The following AP3B1 variants were observed in gnomAD, a reference collection of about 807,000 sequenced individuals.
AP3B1 encodes the protein AP-3 complex subunit beta-1.
In AP3B1, 61 loss-of-function variants were observed where a neutral mutation model predicts 132.5. The ratio of observed to expected loss-of-function variants is 0.46; its 90% CI spans 0.37 to 0.57. The LOEUF is 0.57. Ranked by LOEUF, AP3B1 falls within the 20% of genes least tolerant of loss-of-function variation. AP3B1 has a pLI of 0.00. For missense variants in AP3B1, 1,120 were observed against 1,289.4 expected, an observed-to-expected ratio of 0.87 and a Z score of 2.01; for synonymous variants, 388 against 438.3, an observed-to-expected ratio of 0.89 and a Z score of 1.43.
chr5:78,095,564 TTTGGGGTTAATGAAAACCCTGAA>T (rs1750735561), intron 21 of AP3B1, among the ~76,000 whole-genome samples: 1 of 152,196 alleles, frequency 6.6e-6, no homozygotes, highest in Non-Finnish European at 1.5e-5. Flanking sequence ...AGTTTTTTAA[TTTGGGGTTAATGAAAACCCTGAA>T]GAGGGGTTTT....
At chr5:78,233,310 C>T (rs550678515) in intron 3 of AP3B1, among the ~76,000 whole-genome samples, 12 of 150,914 alleles carry the variant, frequency 8.0e-5, no homozygotes, top group Non-Finnish European at 1.0e-4. Context: ...CTCAGCTCAC[C>T]GCAACCTCCG....
At chr5:78,275,758 C>A (rs1748746670) in intron 1 of AP3B1, among the ~76,000 whole-genome samples, 1 of 152,152 alleles carries the variant, frequency 6.6e-6, no homozygotes, top group African/African-American at 2.4e-5. Flanking sequence ...AGGCATGAGC[C>A]ACTGCCCCCG....
downstream of AP3B1, chr5:78,001,709 C>T (rs530178817): frequency 1.1e-4 from 16 of 152,286 alleles, no homozygotes; most frequent in African/African-American, 3.1e-4. Flanking sequence ...TGTACAGTCA[C>T]TTCCTTTTTA....
chr5:78,077,593 T>C (rs1749816046), intron 22 of AP3B1, among the ~76,000 whole-genome samples: 1 of 152,240 alleles, frequency 6.6e-6, no homozygotes, highest in Non-Finnish European at 1.5e-5. Context: ...ACACATGTTA[T>C]ACTTAAACCC....
intron 5 of AP3B1, among the ~76,000 whole-genome samples, chr5:78,226,989 T>C (rs1314977140): frequency 6.6e-6 from 1 of 151,744 alleles, no homozygotes; most frequent in Non-Finnish European, 1.5e-5. Context: ...TATAAGTGAG[T>C]TGAGAGGATC....
intron 1 of AP3B1, among the ~76,000 whole-genome samples, chr5:78,284,141 T>C (rs904531785): frequency 1.3e-5 from 2 of 152,242 alleles, no homozygotes; most frequent in African/African-American, 4.8e-5. Flanking sequence ...AACTGCTAGC[T>C]ACATCACATA....
At chr5:78,274,032 G>GAAAAAA (rs57157997) in intron 1 of AP3B1, among the ~76,000 whole-genome samples, 1 of 91,556 alleles carries the variant, frequency 1.1e-5, no homozygotes, top group African/African-American at 4.5e-5. Context: ...AGAAAAAAAG[G>GAAAAAA]AAAAAAAAAA....
chr5:78,048,926 C>A lies in AP3B1; in HGVS notation c.2578-9652G>T, dbSNP rs531181486. ...GTAATGGGAGAATGCCCCCTTCCCC[C>A]ACTTTCTCTAAAGTCCTGGTAGATA... On this transcript the variant is annotated intron_variant, in intron 22 of 26. Coordinates refer to ENST00000255194, the MANE Select transcript of AP3B1 (RefSeq NM_003664.5). 5.9e-5 allele frequency among the ~76,000 whole-genome samples: 9 copies of A among 152,270 alleles called. No homozygotes were observed. In the South Asian group the frequency reaches 1.7e-3, roughly 28 times the overall value.
chr5:78,021,939 C>T lies in AP3B1; in HGVS notation c.2895-1150G>A, dbSNP rs568312947. 3.9e-5 allele frequency among the ~76,000 whole-genome samples: 6 copies of T among 152,134 alleles called. No homozygotes were observed. The South Asian group carries it at 1.2e-3, about 32-fold the overall frequency. On this transcript the variant is annotated intron_variant, in intron 24 of 26. Coordinates refer to ENST00000255194, the MANE Select transcript of AP3B1 (RefSeq NM_003664.5). ...TCTACCTTCATGTTAGAACTGGATC[C>T]CACAGCCTGTGAGATGGTAGCTAGA...
chr5:78,228,045 C>T (rs1746471779), intron 4 of AP3B1, 99 bp downstream of exon 4: 1 of 754,902 alleles, frequency 1.3e-6, no homozygotes, highest in Non-Finnish European at 2.1e-6. Flanking sequence ...CAAGACACTA[C>T]TGTGCTATTT....
chr5:78,209,796 C>G (rs1554076019), intron 7 of AP3B1, among the ~76,000 whole-genome samples: 5 of 152,150 alleles, frequency 3.3e-5, no homozygotes, highest in Non-Finnish European at 7.4e-5. Context: ...AAAAATGTTT[C>G]TCATAAGCCT....
At chr5:78,097,557 T>G (rs1168123340) in intron 21 of AP3B1, among the ~76,000 whole-genome samples, 5 of 48,054 alleles carry the variant, frequency 1.0e-4, no homozygotes, top group Admixed American at 2.8e-4. Context: ...GGGAGGGAGG[T>G]AGGGGGTCAG....
intron 15 of AP3B1, among the ~76,000 whole-genome samples, chr5:78,133,318 G>T (rs968266572): frequency 6.6e-6 from 1 of 152,130 alleles, no homozygotes; most frequent in African/African-American, 2.4e-5. Context: ...ATCTAGAAAG[G>T]GTGGGAAAAA....
At position 78,002,839 on chromosome 5, in the gene AP3B1, A is replaced by T; in HGVS notation, c.*63T>A. 6.3e-7 allele frequency: 1 copy of T among 1,575,874 alleles called. No individual in the cohort carries two copies. The highest frequency in any genetic ancestry group is 8.7e-7 in the Non-Finnish European group (1 of 1,145,212). On this transcript the variant is annotated 3_prime_UTR_variant, in exon 27 of 27. Transcript: ENST00000255194. Reference sequence around the variant, plus strand: ...AGGGCTATTATTATAAATGAAAGGCAGCAGTAGTGGATGCCAGGCACTTTT... The same window carrying T: ...AGGGCTATTATTATAAATGAAAGGCTGCAGTAGTGGATGCCAGGCACTTTT...
chr5:78,224,279 G>A (rs1417868470), intron 6 of AP3B1, among the ~76,000 whole-genome samples: 2 of 151,858 alleles, frequency 1.3e-5, no homozygotes, highest in Admixed American at 1.3e-4. Flanking sequence ...GTACACTACA[G>A]ACTAACAGAA....
chr5:78,203,924 T>C (rs114652169), intron 7 of AP3B1, among the ~76,000 whole-genome samples: 1,942 of 152,278 alleles, frequency 0.013, 23 homozygotes, highest in Non-Finnish European at 0.021. Context: ...CCTCTAGTAT[T>C]TCTAGTTGGT....
At chr5:78,224,872 T>G (rs1343383359) in intron 6 of AP3B1, among the ~76,000 whole-genome samples, 1 of 152,010 alleles carries the variant, frequency 6.6e-6, no homozygotes, top group African/African-American at 2.4e-5. Flanking sequence ...TTAAAGAGAC[T>G]TCAATACCCT....
chr5:78,249,439 ATT>A (rs1747533563), intron 2 of AP3B1, among the ~76,000 whole-genome samples: 1 of 152,024 alleles, frequency 6.6e-6, no homozygotes, highest in Non-Finnish European at 1.5e-5. Context: ...TTCTTCAAAT[ATT>A]TTTTCCTACT....
intron 24 of AP3B1, among the ~76,000 whole-genome samples, chr5:78,031,889 CAT>C (rs575479295): frequency 1.5e-3 from 230 of 152,288 alleles, no homozygotes; most frequent in African/African-American, 5.2e-3. Context: ...TGGACAAAAA[CAT>C]GTGCTCAGTT....
Sources: gnomAD v4.1 joint callset for allele counts (sites outside exome capture counted in the v4.1 genomes callset) on GRCh38, gnomAD v4.1.1 for gene constraint, MANE v1.5 for transcripts, NCBI Gene and HGNC (gene_info 2026-07-23, HGNC 2026-07-21) for gene names.